Variants in RASAL2 observed in about 807,000 individuals in gnomAD.
The protein encoded by RASAL2 is RAS protein activator like 2, also known as ras GTPase-activating protein nGAP.
RASAL2 carries 58 observed loss-of-function variants against 128.9 expected under a neutral mutation model. The ratio of observed to expected loss-of-function variants is 0.45; its 90% CI spans 0.36 to 0.56. The LOEUF is 0.56. Ranked by LOEUF, RASAL2 falls within the 20% of genes least tolerant of loss-of-function variation. RASAL2 has a pLI of 0.00. For missense variants in RASAL2, 1,360 were observed against 1,601.6 expected (o/e 0.85, Z 2.57); for synonymous variants, 561 against 580.8 (o/e 0.97, Z 0.49).
chr1:178,396,555 T>A (rs180896231), intron 4 of RASAL2, among the ~76,000 whole-genome samples: 273 of 151,862 alleles, frequency 1.8e-3, no homozygotes, highest in African/African-American at 5.4e-3. Context: ...TGCAAAAAAA[T>A]ATATATATAT....
intron 1 of RASAL2, among the ~76,000 whole-genome samples, chr1:178,119,506 C>A (rs1272199864): frequency 6.6e-6 from 1 of 152,158 alleles, no homozygotes; most frequent in Non-Finnish European, 1.5e-5. Context: ...ACTCAACATT[C>A]AAAAATGACC....
At chr1:178,470,255 A>T (rs1358517966) in intron 17 of RASAL2, among the ~76,000 whole-genome samples, 2 of 152,184 alleles carry the variant, frequency 1.3e-5, no homozygotes, top group African/African-American at 4.8e-5. Context: ...TTCCCAAAAC[A>T]CTACCAGCCA....
At chr1:178,431,122 T>C (rs1675865671) in intron 5 of RASAL2, among the ~76,000 whole-genome samples, 2 of 152,034 alleles carry the variant, frequency 1.3e-5, no homozygotes, top group South Asian at 4.1e-4. Flanking sequence ...AAAGAAAATG[T>C]AGCTTATTTC....
intron 3 of RASAL2, among the ~76,000 whole-genome samples, chr1:178,301,706 T>A (rs1667774176): frequency 6.6e-6 from 1 of 152,144 alleles, no homozygotes; most frequent in African/African-American, 2.4e-5. Context: ...GTGCTAGGAA[T>A]AAAGCATGAA....
intron 1 of RASAL2, among the ~76,000 whole-genome samples, chr1:178,228,007 G>C (rs1663855899): frequency 6.6e-6 from 1 of 152,142 alleles, no homozygotes; most frequent in South Asian, 2.1e-4. Context: ...TCAAGTTATT[G>C]TTTTAAAGTT....
intron 3 of RASAL2, among the ~76,000 whole-genome samples, chr1:178,313,836 T>A (rs1176006943): frequency 6.6e-6 from 1 of 152,312 alleles, no homozygotes; most frequent in African/African-American, 2.4e-5. Flanking sequence ...GCTTAGTTTT[T>A]CCTTATCTAA....
At chr1:178,464,523 C>T in intron 15 of RASAL2, 111 bp downstream of exon 15, 1 of 1,270,742 alleles carries the variant, frequency 7.9e-7, no homozygotes, top group Non-Finnish European at 1.1e-6. Flanking sequence ...ACCTCTACCC[C>T]TTATGTTAAT....
chr1:178,258,238 G>A (rs141640869), intron 1 of RASAL2, among the ~76,000 whole-genome samples: 1 of 147,354 alleles, frequency 6.8e-6, no homozygotes, highest in East Asian at 2.1e-4. Context: ...AGTTTGCAGT[G>A]AGCCAAGATC....
At chr1:178,385,904 C>T (rs1328615223) in intron 3 of RASAL2, among the ~76,000 whole-genome samples, 4 of 152,188 alleles carry the variant, frequency 2.6e-5, no homozygotes, top group Non-Finnish European at 5.9e-5. Flanking sequence ...TATTGACTCA[C>T]ACCTCACCTT....
intron 3 of RASAL2, among the ~76,000 whole-genome samples, chr1:178,324,166 A>ACTT (rs1288183584): frequency 2.0e-5 from 3 of 152,194 alleles, no homozygotes; most frequent in Non-Finnish European, 2.9e-5. Flanking sequence ...TTTGAGCCAA[A>ACTT]CTTCAGTTCG....
chr1:178,228,594 AT>A (rs1663877234), intron 1 of RASAL2, among the ~76,000 whole-genome samples: 1 of 152,244 alleles, frequency 6.6e-6, no homozygotes, highest in African/African-American at 2.4e-5. Flanking sequence ...GAAAAAAAGA[AT>A]TTTGGTAGTT....
chr1:178,162,474 TTATATTTTATATAATATA>T (rs1661356065), intron 1 of RASAL2, among the ~76,000 whole-genome samples: 1 of 124,432 alleles, frequency 8.0e-6, no homozygotes, highest in African/African-American at 3.1e-5. Flanking sequence ...TTTTATATAT[TTATATTTTATATAATATA>T]TATATTTTAT....
At position 178,458,326 on chromosome 1, in the gene RASAL2, C is replaced by A; in HGVS notation, c.3034C>A (p.Arg1012=). 1.2e-6 allele frequency: 2 copies of A among 1,614,220 alleles called. No homozygotes were observed. Among genetic ancestry groups the A allele is most frequent in the Non-Finnish European group, 1.7e-6 (2 of 1,180,034 alleles). Residue 1012 remains arginine, a synonymous_variant, in exon 14 of 18, where the codon CGA becomes AGA. Coordinates refer to ENST00000367649, the MANE Select transcript of RASAL2 (RefSeq NM_170692.4). ...AAATAGTACTGGGCAGGCCCAGATC[C>A]GAAAAGTGGACCAGGGTGGGTTAGG... is the stretch of plus-strand genomic sequence containing the variant. ...RQNSTGQAQI[R]KVDQGGLGAR...
At chr1:178,393,339 C>T (rs1252175) in intron 4 of RASAL2, among the ~76,000 whole-genome samples, 5,252 of 152,256 alleles carry the variant, frequency 0.034, 144 homozygotes, top group Non-Finnish European at 0.052. Context: ...TAGACGGTCC[C>T]ATCTGGGGGT....
chr1:178,331,781 G>T (rs544651906), intron 3 of RASAL2, among the ~76,000 whole-genome samples: 4 of 151,850 alleles, frequency 2.6e-5, no homozygotes, highest in African/African-American at 7.2e-5. Context: ...TAAAGACGGG[G>T]TTTCACTATG....
chr1:178,173,002 T>A (rs570601633), intron 1 of RASAL2, among the ~76,000 whole-genome samples: 2 of 152,220 alleles, frequency 1.3e-5, no homozygotes, highest in Admixed American at 1.3e-4. Context: ...AGATTTCAGT[T>A]TCAGGCTTAG....
intron 1 of RASAL2, among the ~76,000 whole-genome samples, chr1:178,118,814 T>A (rs576874072): frequency 3.3e-5 from 5 of 152,072 alleles, no homozygotes; most frequent in Non-Finnish European, 5.9e-5. Context: ...AATGACAGAT[T>A]GAGTTTGTTG....
intron 1 of RASAL2, among the ~76,000 whole-genome samples, chr1:178,254,814 GA>G (rs1665244726): frequency 6.6e-6 from 1 of 152,162 alleles, no homozygotes; most frequent in African/African-American, 2.4e-5. Flanking sequence ...TGCACAGCCA[GA>G]AAGCTCAGTG....
chr1:178,393,249 G>T (rs1446352277), intron 4 of RASAL2, among the ~76,000 whole-genome samples: 1 of 152,092 alleles, frequency 6.6e-6, no homozygotes, highest in Non-Finnish European at 1.5e-5. Flanking sequence ...TTATTATTAG[G>T]TTGTAATATA....
Sources: allele counts gnomAD v4.1 joint callset (sites outside exome capture counted in the v4.1 genomes callset), GRCh38; gene constraint gnomAD v4.1.1; transcripts MANE v1.5; gene names NCBI Gene and HGNC (gene_info 2026-07-23, HGNC 2026-07-21).